The following SDK1 variants were observed in gnomAD, a reference collection of about 807,000 sequenced individuals.
SDK1 encodes the protein sidekick cell adhesion molecule 1, also known as protein sidekick-1.
In SDK1, 157 loss-of-function variants were observed where a neutral mutation model predicts 245.5. That is an observed-to-expected ratio of 0.64 (90% confidence interval 0.56 to 0.73). The LOEUF (loss-of-function observed/expected upper bound fraction) is 0.73. Among genes scored for constraint, SDK1 ranks in the 30% least tolerant of loss-of-function variants. The probability of loss-of-function intolerance (pLI) is 0.00; values close to 1 mark genes in which losing one functional copy is unlikely to be tolerated. For missense variants in SDK1, 3,583 were observed against 3,002.3 expected, an observed-to-expected ratio of 1.19 and a Z score of -4.52; for synonymous variants, 1,647 against 1,278.5, an observed-to-expected ratio of 1.29 and a Z score of -6.15.
At chr7:4,163,201 G>A (rs1037893912) in intron 32 of SDK1, among the ~76,000 whole-genome samples, 6 of 152,192 alleles carry the variant, frequency 3.9e-5, no homozygotes, top group East Asian at 1.9e-4. Context: ...GGGTGGGTAC[G>A]GCATGAGGAC....
intron 29 of SDK1, 104 bp downstream of exon 29, chr7:4,146,020 C>T (rs1779950055): frequency 3.0e-6 from 3 of 1,001,630 alleles, no homozygotes; most frequent in Middle Eastern, 4.4e-4. Context: ...TCGGCCTTCC[C>T]TTCGGAGAAA....
intron 1 of SDK1, among the ~76,000 whole-genome samples, chr7:3,458,714 C>T (rs1447005583): frequency 6.6e-6 from 1 of 152,068 alleles, no homozygotes; most frequent in East Asian, 1.9e-4. Flanking sequence ...TTATAATTAA[C>T]ATAATCATCC....
chr7:3,375,355 T>C (rs1016686971), intron 1 of SDK1, among the ~76,000 whole-genome samples: 1 of 152,104 alleles, frequency 6.6e-6, no homozygotes, highest in African/African-American at 2.4e-5. Flanking sequence ...CAAGTACATA[T>C]GGGGGTTTAG....
chr7:4,013,450 G>A (rs1164916334), intron 16 of SDK1, among the ~76,000 whole-genome samples: 1 of 152,168 alleles, frequency 6.6e-6, no homozygotes, highest in Non-Finnish European at 1.5e-5. Flanking sequence ...CCCTTCCTGG[G>A]CTCGTTCCAA....
At chr7:3,717,899 C>G (rs868148719) in intron 4 of SDK1, among the ~76,000 whole-genome samples, 10 of 152,030 alleles carry the variant, frequency 6.6e-5, no homozygotes, top group Middle Eastern at 3.4e-3. Context: ...GGAAACACTT[C>G]CCAATTCATG....
intron 40 of SDK1, among the ~76,000 whole-genome samples, chr7:4,221,944 C>G (rs905366576): frequency 1.3e-5 from 2 of 152,142 alleles, no homozygotes; most frequent in Admixed American, 1.3e-4. Context: ...AGTTTCTGAT[C>G]GGGTGCGTCG....
intron 2 of SDK1, among the ~76,000 whole-genome samples, chr7:3,636,420 C>T (rs1782458920): frequency 6.6e-6 from 1 of 152,174 alleles, no homozygotes; most frequent in East Asian, 1.9e-4. Flanking sequence ...CTTCTATGAA[C>T]TGGACTATTT....
intron 23 of SDK1, among the ~76,000 whole-genome samples, chr7:4,112,473 G>A (rs1783410200): frequency 2.0e-5 from 3 of 152,184 alleles, no homozygotes. Context: ...TGAACCAACA[G>A]AAGAAGAGAT....
intron 2 of SDK1, among the ~76,000 whole-genome samples, chr7:3,629,644 G>C (rs1345075488): frequency 6.6e-6 from 1 of 152,214 alleles, no homozygotes; most frequent in African/African-American, 2.4e-5. Flanking sequence ...GTCTTGAAAA[G>C]CAAGATCCAA....
chr7:4,097,804 G>A (rs748296475), intron 22 of SDK1, among the ~76,000 whole-genome samples: 5 of 152,158 alleles, frequency 3.3e-5, no homozygotes, highest in Non-Finnish European at 5.9e-5. Context: ...AACCCTGACT[G>A]TAGTTGAATT....
intron 5 of SDK1, among the ~76,000 whole-genome samples, chr7:3,884,389 A>G (rs551264541): frequency 1.3e-5 from 2 of 152,088 alleles, no homozygotes; most frequent in South Asian, 2.1e-4. Context: ...AGTGCGCGGG[A>G]AGTTGTGCTT....
chr7:3,454,560 C>T (rs1265820368), intron 1 of SDK1, among the ~76,000 whole-genome samples: 2 of 152,164 alleles, frequency 1.3e-5, no homozygotes, highest in South Asian at 2.1e-4. Flanking sequence ...AATCTCTGAT[C>T]AGCTGCAATA....
intron 20 of SDK1, among the ~76,000 whole-genome samples, chr7:4,076,510 T>A (rs554356253): frequency 6.6e-6 from 1 of 152,304 alleles, no homozygotes; most frequent in African/African-American, 2.4e-5. Flanking sequence ...GAGCTATGAT[T>A]GCACCATTGC....
At chr7:3,802,852 A>G (rs1212105236) in intron 4 of SDK1, among the ~76,000 whole-genome samples, 1 of 152,182 alleles carries the variant, frequency 6.6e-6, no homozygotes, top group East Asian at 1.9e-4. Context: ...ACTCTTCACC[A>G]ATTGAGGAAC....
intron 35 of SDK1, chr7:4,179,339 G>C (rs1782453421): frequency 6.6e-6 from 1 of 152,128 alleles, no homozygotes; most frequent in Non-Finnish European, 1.5e-5. Context: ...TAATTAGAGT[G>C]TCCCTGAGGA....
intron 44 of SDK1, among the ~76,000 whole-genome samples, chr7:4,251,148 A>G (rs758177482): frequency 4.6e-5 from 7 of 152,186 alleles, no homozygotes; most frequent in Non-Finnish European, 1.0e-4. Flanking sequence ...ATGGGGGGAA[A>G]TTCCATTGTA....
chr7:3,922,998 G>C (rs1325754263), intron 5 of SDK1, among the ~76,000 whole-genome samples: 3 of 152,136 alleles, frequency 2.0e-5, no homozygotes, highest in Non-Finnish European at 4.4e-5. Flanking sequence ...TTCCAGCCAG[G>C]TTCACTGATT....
intron 34 of SDK1, among the ~76,000 whole-genome samples, chr7:4,176,655 C>T (rs948625924): frequency 6.6e-5 from 10 of 152,202 alleles, no homozygotes; most frequent in African/African-American, 2.2e-4. Context: ...CGTTATACCC[C>T]TCCCCACCAG....
At chr7:3,934,349 G>A (rs866014433) in intron 5 of SDK1, among the ~76,000 whole-genome samples, 4 of 152,164 alleles carry the variant, frequency 2.6e-5, no homozygotes, top group Admixed American at 6.5e-5. Context: ...GGGATTGAAT[G>A]TCTTTGTTCT....
Sources: gnomAD v4.1 joint callset for allele counts (sites outside exome capture counted in the v4.1 genomes callset) on GRCh38, gnomAD v4.1.1 for gene constraint, MANE v1.5 for transcripts, NCBI Gene and HGNC (gene_info 2026-07-23, HGNC 2026-07-21) for gene names.